RPF2: variants seen among roughly 807,000 people sequenced by gnomAD.
RPF2 encodes the protein brix domain containing 1.
RPF2 carries 21 observed loss-of-function variants against 38.9 expected under a neutral mutation model. The observed-to-expected ratio is 0.54, with a 90% CI of 0.38 to 0.78. The LOEUF is 0.78. RPF2 is among the 30% of genes least tolerant of loss of function. The pLI is 0.00. For synonymous variants in RPF2, 121 were observed against 126.2 expected, an observed-to-expected ratio of 0.96 and a Z score of 0.28; for missense variants, 314 against 358.1, an observed-to-expected ratio of 0.88 and a Z score of 0.99.
chr6:110,992,824 C>G (rs1261228783), intron 4 of RPF2, among the ~76,000 whole-genome samples: 1 of 152,108 alleles, frequency 6.6e-6, no homozygotes. Flanking sequence ...CGCCTGTAAT[C>G]CCAGCACTTT....
intron 4 of RPF2, 126 bp from the exon 5 acceptor site, chr6:110,997,057 G>A (rs747907380): frequency 5.1e-5 from 33 of 647,354 alleles, no homozygotes; most frequent in Non-Finnish European, 7.5e-5. Context: ...TCGCCTCGGC[G>A]TCCCAAGTGC....
At chr6:111,006,671 G>A (rs1435812914) in intron 6 of RPF2, among the ~76,000 whole-genome samples, 2 of 152,078 alleles carry the variant, frequency 1.3e-5, no homozygotes, top group African/African-American at 4.8e-5. Context: ...ACAGTGGCAC[G>A]ATCATGGCTC....
intron 6 of RPF2, among the ~76,000 whole-genome samples, chr6:111,006,131 G>A (rs1474689985): frequency 6.6e-6 from 1 of 151,172 alleles, no homozygotes; most frequent in Non-Finnish European, 1.5e-5. Flanking sequence ...TGTAGAGACC[G>A]TGTCTCCCAG....
intron 7 of RPF2, among the ~76,000 whole-genome samples, chr6:111,011,242 C>G (rs1772006605): frequency 6.6e-6 from 1 of 151,872 alleles, no homozygotes; most frequent in Admixed American, 6.6e-5. Context: ...ATTTCCTTCT[C>G]TCAATATTAT....
intron 1 of RPF2, 172 bp downstream of exon 1, chr6:110,982,301 A>G: frequency 1.4e-6 from 1 of 701,322 alleles, no homozygotes; most frequent in Non-Finnish European, 2.5e-6. Flanking sequence ...GCCAGGAGAC[A>G]GTGGGGAAGC....
intron 1 of RPF2, among the ~76,000 whole-genome samples, chr6:110,983,451 A>G (rs1278839254): frequency 6.6e-6 from 1 of 152,084 alleles, no homozygotes; most frequent in Non-Finnish European, 1.5e-5. Context: ...GGGATCAAGC[A>G]GTCCTCCTAC....
intron 3 of RPF2, among the ~76,000 whole-genome samples, chr6:110,989,902 C>T (rs907553597): frequency 3.3e-5 from 5 of 151,450 alleles, no homozygotes; most frequent in Non-Finnish European, 5.9e-5. Flanking sequence ...GGATTACAGG[C>T]GTGAGCCACC....
intron 8 of RPF2, among the ~76,000 whole-genome samples, chr6:111,023,240 C>A (rs1324985748): frequency 6.6e-6 from 1 of 152,158 alleles, no homozygotes; most frequent in African/African-American, 2.4e-5. Flanking sequence ...CCCAGTTCTC[C>A]TCCACCAGTG....
At chr6:110,983,017 G>A (rs1316726222) in intron 1 of RPF2, among the ~76,000 whole-genome samples, 1 of 152,198 alleles carries the variant, frequency 6.6e-6, no homozygotes, top group Non-Finnish European at 1.5e-5. Context: ...CTTTATATGT[G>A]ACATTATATC....
chr6:111,014,113 A>T (rs9384783), intron 7 of RPF2, among the ~76,000 whole-genome samples: 4 of 150,586 alleles, frequency 2.7e-5, no homozygotes, highest in Admixed American at 1.3e-4. Flanking sequence ...GTTTTATACA[A>T]GTTAATGCTG....
intron 3 of RPF2, 57 bp from the exon 4 acceptor site, chr6:110,991,690 A>G: frequency 1.7e-6 from 1 of 582,680 alleles, no homozygotes; most frequent in East Asian, 3.4e-5. Flanking sequence ...ACCTTAATAT[A>G]TTAATTGTAT....
chr6:110,984,248 T>G (rs1380101537), intron 1 of RPF2, among the ~76,000 whole-genome samples: 1 of 152,178 alleles, frequency 6.6e-6, no homozygotes, highest in African/African-American at 2.4e-5. Flanking sequence ...GTCGTTAGTC[T>G]TATGTTTAGT....
chr6:111,019,252 G>A (rs1292452593), intron 8 of RPF2, among the ~76,000 whole-genome samples: 1 of 151,980 alleles, frequency 6.6e-6, no homozygotes, highest in Admixed American at 6.6e-5. Flanking sequence ...GGTGGCGCAC[G>A]CCTGTAATCC....
Position 111,028,216 on chromosome 6 carries a change from T to C in RPF2, c.*2634T>C, listed in dbSNP as rs776810843. The C allele has an allele frequency of 3.3e-5, 5 of 152,176 alleles. No individual in the cohort carries two copies. Among genetic ancestry groups the C allele is most frequent in the Non-Finnish European group, 5.9e-5 (4 of 68,022 alleles). 9.4% of individuals were successfully genotyped at this position (152,176 alleles called of 1,614,324 possible). A position where few individuals can be genotyped will look rare whatever the true frequency, so the allele number is the denominator to read the frequency against. ...ACATAATCCAAAGTAGAGATGTTAT[T>C]ACTCAATTCAAGAAAAGAAAGGGCT... On this transcript the variant is annotated 3_prime_UTR_variant, in exon 10 of 10. Transcript: ENST00000441448.
At chr6:111,013,313 A>G (rs1420836333) in intron 7 of RPF2, among the ~76,000 whole-genome samples, 1 of 152,220 alleles carries the variant, frequency 6.6e-6, no homozygotes, top group Non-Finnish European at 1.5e-5. Context: ...TGTGTAAACA[A>G]TACTCTGTTG....
At chr6:111,006,049 G>T (rs1296757959) in intron 6 of RPF2, among the ~76,000 whole-genome samples, 1 of 151,830 alleles carries the variant, frequency 6.6e-6, no homozygotes, top group South Asian at 2.1e-4. Context: ...CAAGTGATGC[G>T]CCTGCCTCAG....
chr6:111,007,968 AAAAC>A, intron 6 of RPF2, 66 bp from the exon 7 acceptor site: 2 of 1,438,230 alleles, frequency 1.4e-6, no homozygotes. Flanking sequence ...ATAAAAATAA[AAAAC>A]AAAATCAATA....
intron 7 of RPF2, among the ~76,000 whole-genome samples, chr6:111,014,596 C>T (rs568415010): frequency 1.3e-5 from 2 of 152,340 alleles, no homozygotes; most frequent in East Asian, 1.9e-4. Context: ...CCACTTACTA[C>T]ATCACCTGCC....
intron 2 of RPF2, among the ~76,000 whole-genome samples, chr6:110,985,361 A>G (rs976481402): frequency 5.9e-5 from 9 of 152,200 alleles, no homozygotes; most frequent in Admixed American, 2.0e-4. Context: ...TTAGGAGCAC[A>G]GGTGGGTCTG....
Sources: gnomAD v4.1 joint callset for allele counts (sites outside exome capture counted in the v4.1 genomes callset) on GRCh38, gnomAD v4.1.1 for gene constraint, MANE v1.5 for transcripts, NCBI Gene and HGNC (gene_info 2026-07-23, HGNC 2026-07-21) for gene names.